The following IQGAP2 variants were observed in gnomAD, a reference collection of about 807,000 sequenced individuals.
IQGAP2 encodes ras GTPase-activating-like protein IQGAP2.
A neutral mutation model predicts 201.3 loss-of-function variants in IQGAP2; 173 were observed. The ratio of observed to expected loss-of-function variants is 0.86; its 90% CI spans 0.76 to 0.98. The LOEUF is 0.98. Among genes scored for constraint, IQGAP2 ranks in the 50% least tolerant of loss-of-function variants. The pLI is 0.00. For missense variants in IQGAP2, 1,687 were observed against 1,864.8 expected, an observed-to-expected ratio of 0.90 and a Z score of 1.76; for synonymous variants, 675 against 673.9, an observed-to-expected ratio of 1.00 and a Z score of -0.03.
At chr5:76,606,959 G>A (rs188425596) in intron 12 of IQGAP2, 3 of 152,244 alleles carry the variant, frequency 2.0e-5, no homozygotes, top group South Asian at 2.1e-4. Flanking sequence ...TTCAAGCTTC[G>A]AGCTGTGTTT....
intron 2 of IQGAP2, among the ~76,000 whole-genome samples, chr5:76,493,877 A>G (rs988696792): frequency 6.6e-6 from 1 of 152,204 alleles, no homozygotes; most frequent in Non-Finnish European, 1.5e-5. Context: ...GTCACAGCCT[A>G]AATTCCAAAT....
At position 76,693,445 on chromosome 5, in the gene IQGAP2, A is replaced by C. The variant is rs772530776; in HGVS notation, c.3993+3A>C. ...AGACACCAGCAACTGCGCAACAGGT[A>C]ATTTGACTTTAAGTGTAAAATAATA... is the stretch of plus-strand genomic sequence containing the variant. On this transcript the variant is annotated splice_donor_region_variant and intron_variant, in intron 31 of 35. Coordinates refer to ENST00000274364, the MANE Select transcript of IQGAP2 (RefSeq NM_006633.5). The C allele has an allele frequency of 4.4e-6, 7 of 1,586,328 alleles. No homozygotes were observed. The highest frequency in any genetic ancestry group is 6.1e-6 in the Non-Finnish European group (7 of 1,155,684).
At chr5:76,555,427 A>G (rs1454987349) in intron 2 of IQGAP2, among the ~76,000 whole-genome samples, 1 of 152,220 alleles carries the variant, frequency 6.6e-6, no homozygotes, top group African/African-American at 2.4e-5. Flanking sequence ...GACCTGTTCC[A>G]GTGCATATAG....
chr5:76,483,197 A>G (rs1305031527), intron 2 of IQGAP2, among the ~76,000 whole-genome samples: 1 of 152,220 alleles, frequency 6.6e-6, no homozygotes, highest in African/African-American at 2.4e-5. Context: ...AATAGCATAA[A>G]TAGAGGTGGA....
At chr5:76,662,999 G>GTCT (rs1743400145) in intron 21 of IQGAP2, among the ~76,000 whole-genome samples, 1 of 152,180 alleles carries the variant, frequency 6.6e-6, no homozygotes, top group Non-Finnish European at 1.5e-5. Context: ...ACATGGAACT[G>GTCT]TCTTACTCCA....
chr5:76,540,654 G>A (rs1209450451), intron 2 of IQGAP2, among the ~76,000 whole-genome samples: 2 of 152,202 alleles, frequency 1.3e-5, no homozygotes, highest in East Asian at 3.8e-4. Context: ...CAATTTGAGG[G>A]TGCGGAACAT....
chr5:76,573,121 C>A (rs1181297457), intron 4 of IQGAP2, among the ~76,000 whole-genome samples: 1 of 152,040 alleles, frequency 6.6e-6, no homozygotes, highest in Non-Finnish European at 1.5e-5. Context: ...GGATGATAAA[C>A]CGATTAATAA....
At chr5:76,423,933 C>T (rs146021278) in intron 1 of IQGAP2, among the ~76,000 whole-genome samples, 25 of 152,300 alleles carry the variant, frequency 1.6e-4, no homozygotes, top group African/African-American at 5.8e-4. Flanking sequence ...TTTTCTACCA[C>T]GTTTACATTG....
intron 2 of IQGAP2, among the ~76,000 whole-genome samples, chr5:76,558,847 A>T (rs936442564): frequency 6.6e-6 from 1 of 150,570 alleles, no homozygotes; most frequent in African/African-American, 2.4e-5. Context: ...CTGGTGCAGA[A>T]CCCTCCCTTC....
At chr5:76,496,987 AC>A (rs1757028649) in intron 2 of IQGAP2, among the ~76,000 whole-genome samples, 1 of 151,488 alleles carries the variant, frequency 6.6e-6, no homozygotes, top group Non-Finnish European at 1.5e-5. Context: ...ATGCCACCAC[AC>A]CCAGCTAATT....
intron 9 of IQGAP2, among the ~76,000 whole-genome samples, chr5:76,596,643 G>A (rs112712617): frequency 6.6e-6 from 1 of 152,152 alleles, no homozygotes; most frequent in Non-Finnish European, 1.5e-5. Flanking sequence ...ATGGCAGAAG[G>A]TGATGGGGAA....
intron 2 of IQGAP2, among the ~76,000 whole-genome samples, chr5:76,476,874 G>A (rs1190373194): frequency 1.3e-5 from 2 of 152,158 alleles, no homozygotes; most frequent in African/African-American, 4.8e-5. Context: ...CATGACCCAG[G>A]TAGCTGTGTG....
chr5:76,628,307 T>C lies in IQGAP2; in HGVS notation c.1612+807T>C, dbSNP rs552786881. ...CATAACTGTGGTCCACCAGTCAATG[T>C]AGGGGTTTGTGGAGGTCAGGTGATG... On this transcript the variant is annotated intron_variant, in intron 14 of 35. Transcript: ENST00000274364. 2.4e-3 allele frequency among the ~76,000 whole-genome samples: 373 copies of C among 152,288 alleles called. 2 individuals carry two copies. Among genetic ancestry groups the C allele is most frequent in the Non-Finnish European group, 2.2e-3 (151 of 68,016 alleles).
chr5:76,637,716 G>T (rs997742873), intron 16 of IQGAP2, among the ~76,000 whole-genome samples: 6 of 152,176 alleles, frequency 3.9e-5, no homozygotes, highest in Admixed American at 2.6e-4. Flanking sequence ...CTTCCGAGAT[G>T]GTCATCTTAG....
chr5:76,560,261 C>G (rs879769433), intron 2 of IQGAP2, among the ~76,000 whole-genome samples: 12 of 151,926 alleles, frequency 7.9e-5, no homozygotes, highest in Non-Finnish European at 1.6e-4. Flanking sequence ...CAAGCAATCC[C>G]CCTACCTCAA....
rs148174773 is a variant in IQGAP2 at position 76,562,534 on chromosome 5, G to A, written c.285G>A (p.Val95=). 3 of 1,613,710 alleles carry A rather than the reference G, an allele frequency of 1.9e-6. No homozygotes were observed. In the African/African-American group the frequency reaches 4.0e-5, roughly 22 times the overall value. Reference sequence around the variant, plus strand: ...TATCAGAGAAAAAGATCTATGATGTGGAACAAACACGTTATAAGGTAACCA... The same window carrying A: ...TATCAGAGAAAAAGATCTATGATGTAGAACAAACACGTTATAAGGTAACCA... ...KMVSEKKIYD[V]EQTRYKKSGL... is the part of the protein sequence containing the mutation. Residue 95 remains valine, a synonymous_variant, in exon 3 of 36, where the codon GTG becomes GTA. Transcript: ENST00000274364.
chr5:76,548,459 C>T (rs548972674), intron 2 of IQGAP2, among the ~76,000 whole-genome samples: 10 of 152,370 alleles, frequency 6.6e-5, no homozygotes, highest in South Asian at 2.1e-4. Flanking sequence ...CCTAAGGCTT[C>T]TGCTTAAGAA....
intron 21 of IQGAP2, among the ~76,000 whole-genome samples, chr5:76,662,203 G>A (rs938639993): frequency 1.1e-4 from 17 of 152,270 alleles, no homozygotes; most frequent in African/African-American, 3.9e-4. Context: ...GCTGTGCCGG[G>A]CTCTGTCCTT....
chr5:76,620,660 T>G (rs1455852691), intron 13 of IQGAP2, among the ~76,000 whole-genome samples: 1 of 152,142 alleles, frequency 6.6e-6, no homozygotes, highest in Non-Finnish European at 1.5e-5. Context: ...GGCTCTCGTT[T>G]AATTTAATGG....
Sources: gnomAD v4.1 joint callset for allele counts (sites outside exome capture counted in the v4.1 genomes callset) on GRCh38, gnomAD v4.1.1 for gene constraint, MANE v1.5 for transcripts, NCBI Gene and HGNC (gene_info 2026-07-23, HGNC 2026-07-21) for gene names.